Variants in SGCD observed in about 807,000 individuals in gnomAD.
SGCD encodes the protein sarcoglycan delta.
A neutral mutation model predicts 36.6 loss-of-function variants in SGCD; 18 were observed. That is an observed-to-expected ratio of 0.49 (90% CI 0.34 to 0.73). The LOEUF (loss-of-function observed/expected upper bound fraction) is 0.73. Among genes scored for constraint, SGCD ranks in the 30% least tolerant of loss-of-function variants. The pLI is 0.01. For missense variants in SGCD, 387 were observed against 346.7 expected (o/e 1.12, Z -0.92); for synonymous variants, 133 against 130.6 (o/e 1.02, Z -0.12).
chr5:155,931,648 T>C (rs1007685164), intron 1 of SGCD, among the ~76,000 whole-genome samples: 11 of 152,208 alleles, frequency 7.2e-5, no homozygotes, highest in African/African-American at 2.4e-4. Flanking sequence ...CAAGTATTCT[T>C]AGCATTTTGG....
At chr5:155,915,926 G>A (rs936006246) in intron 1 of SGCD, among the ~76,000 whole-genome samples, 2 of 152,172 alleles carry the variant, frequency 1.3e-5, no homozygotes, top group Non-Finnish European at 2.9e-5. Flanking sequence ...TACCAAAATT[G>A]GTGTGTGAAA....
the SGCD span, among the ~76,000 whole-genome samples, chr5:155,737,321 A>G: frequency 6.6e-6 from 1 of 152,198 alleles, no homozygotes; most frequent in Non-Finnish European, 1.5e-5. Flanking sequence ...TACCCTTACT[A>G]TGGGTAATTT....
intron 3 of SGCD, among the ~76,000 whole-genome samples, chr5:156,409,432 G>A (rs1038957993): frequency 3.3e-5 from 5 of 152,124 alleles, no homozygotes; most frequent in African/African-American, 4.8e-5. Context: ...GATCGCCCAC[G>A]CATCAGACCA....
At chr5:156,674,098 G>A (rs1753413518) in intron 7 of SGCD, among the ~76,000 whole-genome samples, 1 of 152,190 alleles carries the variant, frequency 6.6e-6, no homozygotes, top group Non-Finnish European at 1.5e-5. Context: ...AAGGCGTTAG[G>A]CTTCTTCTGA....
chr5:155,736,498 G>A, the SGCD span, among the ~76,000 whole-genome samples: 7,609 of 152,022 alleles, frequency 0.05, 260 homozygotes, highest in Middle Eastern at 0.16. Context: ...CTATCTCATA[G>A]GTTTCTTAAA....
intron 3 of SGCD, among the ~76,000 whole-genome samples, chr5:156,296,083 G>A (rs1766886705): frequency 6.6e-6 from 1 of 152,130 alleles, no homozygotes; most frequent in African/African-American, 2.4e-5. Context: ...GATTTCTCAT[G>A]GGGCATACTA....
chr5:156,613,681 A>G (rs1198641362), intron 6 of SGCD, among the ~76,000 whole-genome samples: 1 of 152,214 alleles, frequency 6.6e-6, no homozygotes. Context: ...TCAGGGATAG[A>G]CCTCAGTAAG....
At chr5:155,929,885 A>T (rs1716527521) in intron 1 of SGCD, among the ~76,000 whole-genome samples, 1 of 152,080 alleles carries the variant, frequency 6.6e-6, no homozygotes, top group South Asian at 2.1e-4. Context: ...CTTTCTACTT[A>T]TCTTGTTTTG....
intron 3 of SGCD, among the ~76,000 whole-genome samples, chr5:156,410,076 A>G (rs986764204): frequency 1.3e-5 from 2 of 152,142 alleles, no homozygotes; most frequent in African/African-American, 4.8e-5. Context: ...AACCTCTCTG[A>G]GTTTCAGTTG....
At chr5:155,887,462 G>A (rs761112130) in intron 1 of SGCD, among the ~76,000 whole-genome samples, 15 of 152,062 alleles carry the variant, frequency 9.9e-5, no homozygotes, top group Admixed American at 3.3e-4. Context: ...TCCCTTTAGC[G>A]CATCCTGGAA....
intron 3 of SGCD, among the ~76,000 whole-genome samples, chr5:156,396,537 G>T (rs975984925): frequency 6.6e-6 from 1 of 152,138 alleles, no homozygotes; most frequent in African/African-American, 2.4e-5. Flanking sequence ...CTTCTCAACC[G>T]AGGGATGCTG....
chr5:156,263,285 T>C (rs1765914681), intron 3 of SGCD, among the ~76,000 whole-genome samples: 1 of 152,134 alleles, frequency 6.6e-6, no homozygotes, highest in African/African-American at 2.4e-5. Context: ...GTTCTGACTA[T>C]GGCCATTCTT....
intron 3 of SGCD, among the ~76,000 whole-genome samples, chr5:156,472,212 CA>C (rs1298821814): frequency 6.6e-6 from 1 of 151,948 alleles, no homozygotes; most frequent in African/African-American, 2.4e-5. Flanking sequence ...CTTAAAAAGC[CA>C]AATGTATACC....
At chr5:156,611,441 C>A (rs1288203679) in intron 6 of SGCD, among the ~76,000 whole-genome samples, 1 of 152,168 alleles carries the variant, frequency 6.6e-6, no homozygotes, top group Non-Finnish European at 1.5e-5. Flanking sequence ...TTTCATTCTA[C>A]CCTGCCCTGC....
At chr5:155,849,525 T>C in the SGCD span, among the ~76,000 whole-genome samples, 1,607 of 152,220 alleles carry the variant, frequency 0.011, 35 homozygotes, top group African/African-American at 0.036. Context: ...CCCCCATACA[T>C]ACCTGTGGAC....
At chr5:156,592,565 T>C (rs1760766344) in intron 5 of SGCD, among the ~76,000 whole-genome samples, 1 of 152,132 alleles carries the variant, frequency 6.6e-6, no homozygotes, top group South Asian at 2.1e-4. Context: ...CTTCCAGATG[T>C]GCTGGCCCCA....
At chr5:156,049,318 G>T (rs1759856841) in intron 1 of SGCD, among the ~76,000 whole-genome samples, 1 of 145,442 alleles carries the variant, frequency 6.9e-6, no homozygotes, top group Non-Finnish European at 1.5e-5. Flanking sequence ...GCTCTTTTTT[G>T]GTTCCATATG....
At chr5:155,912,962 TAAG>T (rs903074422) in intron 1 of SGCD, among the ~76,000 whole-genome samples, 15 of 152,214 alleles carry the variant, frequency 9.9e-5, no homozygotes, top group African/African-American at 3.4e-4. Flanking sequence ...ATGTTCCTTC[TAAG>T]AAGGTGTCCA....
chr5:156,545,712 C>T (rs1317820303), intron 4 of SGCD, among the ~76,000 whole-genome samples: 4 of 152,158 alleles, frequency 2.6e-5, no homozygotes, highest in Non-Finnish European at 4.4e-5. Flanking sequence ...CAGCCTGGTT[C>T]CCTGTACCCG....
Sources: gnomAD v4.1 joint callset for allele counts (sites outside exome capture counted in the v4.1 genomes callset) on GRCh38, gnomAD v4.1.1 for gene constraint, MANE v1.5 for transcripts, NCBI Gene and HGNC (gene_info 2026-07-23, HGNC 2026-07-21) for gene names.